NECAP2: variants seen among roughly 807,000 people sequenced by gnomAD.
The protein encoded by NECAP2 is adaptin ear-binding coat-associated protein 2.
NECAP2 carries 38 observed loss-of-function variants against 37.8 expected under a neutral mutation model. The ratio of observed to expected loss-of-function variants is 1.01; its 90% CI spans 0.78 to 1.32. NECAP2 has a LOEUF of 1.32. Among genes scored for constraint, NECAP2 ranks in the 40% most tolerant of loss-of-function variants. NECAP2 has a pLI of 0.00. For synonymous variants in NECAP2, 121 were observed against 127.7 expected, an observed-to-expected ratio of 0.95 and a Z score of 0.35; for missense variants, 316 against 334.5, an observed-to-expected ratio of 0.94 and a Z score of 0.43.
In NECAP2 at chr1:16,459,184, A is replaced by G. The variant is rs2086975607; in HGVS notation, c.*294A>G. On this transcript the variant is annotated 3_prime_UTR_variant, in exon 8 of 8. Coordinates refer to ENST00000337132, the MANE Select transcript of NECAP2 (RefSeq NM_018090.5). ...GAGACTCTGAGACTTCTTCCATCGC[A>G]ATGACCTGTATTAAACACAAGCCCC... 1.8e-6 allele frequency: 1 copy of G among 557,158 alleles called. No homozygotes were observed. 34.5% of individuals were successfully genotyped at this position (557,158 alleles called of 1,614,324 possible).
intron 6 of NECAP2, among the ~76,000 whole-genome samples, chr1:16,452,475 A>G (rs2086859723): frequency 6.6e-6 from 1 of 152,176 alleles, no homozygotes; most frequent in Non-Finnish European, 1.5e-5. Context: ...GGAAGGAGAT[A>G]GAGTGGGAGT....
intron 6 of NECAP2, 119 bp downstream of exon 6, chr1:16,452,134 G>T: frequency 9.4e-7 from 1 of 1,062,738 alleles, no homozygotes; most frequent in Non-Finnish European, 1.3e-6. Flanking sequence ...GTACCTGTCC[G>T]TGTCAAAGAA....
intron 4 of NECAP2, 151 bp downstream of exon 4, chr1:16,448,292 C>G: frequency 1.3e-6 from 1 of 747,254 alleles, no homozygotes; most frequent in Non-Finnish European, 2.4e-6. Flanking sequence ...CTCTTCTCTG[C>G]CAATGTTCAT....
chr1:16,444,769 A>G (rs1430361663), intron 2 of NECAP2, among the ~76,000 whole-genome samples: 2 of 152,204 alleles, frequency 1.3e-5, no homozygotes, highest in Non-Finnish European at 2.9e-5. Context: ...GTAGTGTCAT[A>G]AGAGAATGGT....
chr1:16,457,884 T>G lies in NECAP2; in HGVS notation c.744-958T>G, dbSNP rs918900918. ...GCCACCACACCCGGCTAATTTTTTG[T>G]ATTTTTAGTAGAGGCGGGGTTTTGC... On this transcript the variant is annotated intron_variant, in intron 7 of 7. Transcript: ENST00000337132. Among the ~76,000 whole-genome samples, 8 of 152,060 alleles carry G rather than the reference T, an allele frequency of 5.3e-5. No individual in the cohort carries two copies. The East Asian group carries it at 5.8e-4, about 11-fold the overall frequency.
At chr1:16,452,869 G>A (rs2086867005) in intron 6 of NECAP2, among the ~76,000 whole-genome samples, 1 of 150,490 alleles carries the variant, frequency 6.6e-6, no homozygotes, top group Non-Finnish European at 1.5e-5. Flanking sequence ...GCTCTCCCCA[G>A]CTTGCAGGCA....
Position 16,458,974 on chromosome 1 carries a change from G to C in NECAP2, c.*84G>C, listed in dbSNP as rs1403090552. 1 of 1,610,038 alleles carries C rather than the reference G, an allele frequency of 6.2e-7. No individual in the cohort carries two copies. Among genetic ancestry groups the C allele is most frequent in the African/African-American group, 1.3e-5 (1 of 74,700 alleles). On this transcript the variant is annotated 3_prime_UTR_variant, in exon 8 of 8. Transcript: ENST00000337132. ...AGGAAGGAGGACGAAGCCCTCCTCA[G>C]CTGGCCTGTGTTTGGGGCATGAATC... is the stretch of plus-strand genomic sequence containing the variant.
intron 2 of NECAP2, among the ~76,000 whole-genome samples, chr1:16,447,532 A>G (rs1293801656): frequency 6.6e-6 from 1 of 152,154 alleles, no homozygotes; most frequent in Non-Finnish European, 1.5e-5. Flanking sequence ...TAAGTGGGTA[A>G]AGCAGATGGA....
intron 1 of NECAP2, chr1:16,441,111 C>G: frequency 3.9e-6 from 2 of 515,084 alleles, no homozygotes; most frequent in South Asian, 2.7e-5. Flanking sequence ...CGGTGGGCTG[C>G]CGGGTACCCT....
At chr1:16,456,310 C>T (rs2086917924) in intron 7 of NECAP2, among the ~76,000 whole-genome samples, 1 of 152,198 alleles carries the variant, frequency 6.6e-6, no homozygotes, top group Admixed American at 6.5e-5. Context: ...CAGGCATGAG[C>T]CACCGCGCCT....
At chr1:16,450,550 C>T in intron 5 of NECAP2, 1 of 154,970 alleles carries the variant, frequency 6.5e-6, no homozygotes, top group South Asian at 2.0e-4. Flanking sequence ...CTTTCTGGCT[C>T]ATGCTTGGTG....
Position 16,459,551 on chromosome 1 carries a change from C to T in NECAP2, c.*661C>T, listed in dbSNP as rs1273047026. On this transcript the variant is annotated 3_prime_UTR_variant, in exon 8 of 8. Transcript: ENST00000337132. The stretch of plus-strand genomic sequence containing the variant: ...CCAGCTGGGGCCTCTGAAGGGATTC[C>T]TCACTGTGGGCAGCTGCCCTGAGCT... The T allele has an allele frequency of 6.6e-6, 1 of 152,334 alleles. No individual in the cohort carries two copies. Among genetic ancestry groups the T allele is most frequent in the Non-Finnish European group, 1.5e-5 (1 of 68,138 alleles). 9.4% of individuals were successfully genotyped at this position (152,334 alleles called of 1,614,324 possible). A position where few individuals can be genotyped will look rare whatever the true frequency, so the allele number is the denominator to read the frequency against.
chr1:16,448,996 A>G, intron 4 of NECAP2, 97 bp from the exon 5 acceptor site: 1 of 780,240 alleles, frequency 1.3e-6, no homozygotes, highest in Admixed American at 2.3e-5. Flanking sequence ...TACGAGGCTC[A>G]GCCTGGACTG....
Position 16,449,160 on chromosome 1 carries a change from C to G in NECAP2, c.448C>G (p.Leu150Val). 1 of 1,613,212 alleles carries G rather than the reference C, an allele frequency of 6.2e-7. No homozygotes were observed. The highest frequency in any genetic ancestry group is 8.5e-7 in the Non-Finnish European group (1 of 1,179,612). Residue 150 changes from leucine to valine, a missense_variant, in exon 5 of 8, where the codon CTG (leucine) becomes GTG (valine). Transcript: ENST00000337132. ...QNPDQGPKLD[L>V]GFKEGQTIKL... ...CCCAGACCAAGGCCCTAAACTGGAC[C>G]TGGGCTTCAAGGAGGGCCAGACCAT...
At chr1:16,453,305 C>T (rs1408520363) in intron 6 of NECAP2, among the ~76,000 whole-genome samples, 2 of 151,652 alleles carry the variant, frequency 1.3e-5, no homozygotes, top group East Asian at 3.9e-4. Flanking sequence ...GACAGGGTTT[C>T]TCCATGTTGG....
At chr1:16,447,793 A>G in intron 2 of NECAP2, 77 bp from the exon 3 acceptor site, 1 of 1,179,922 alleles carries the variant, frequency 8.5e-7, no homozygotes, top group Non-Finnish European at 1.3e-6. Flanking sequence ...TGCGGGCAAA[A>G]GGCCCAGTAG....
rs371020997 is a variant in NECAP2, at chr1:16,440,756, G to A, written c.-6G>A. On this transcript the variant is annotated 5_prime_UTR_variant, in exon 1 of 8. Transcript: ENST00000337132. ...GCCGGAAGTTCGGTGGGCTCCAGGCGTCGCGATGGAGGAGAGCGGGTACGA... is the reference window on the plus strand; with the variant it reads ...GCCGGAAGTTCGGTGGGCTCCAGGCATCGCGATGGAGGAGAGCGGGTACGA... The A allele has an allele frequency of 5.2e-5, 84 of 1,612,684 alleles. No individual in the cohort carries two copies. The highest frequency in any genetic ancestry group is 2.0e-4 in the Admixed American group (12 of 60,002).
At chr1:16,446,164 T>C (rs1416728597) in intron 2 of NECAP2, among the ~76,000 whole-genome samples, 1 of 152,142 alleles carries the variant, frequency 6.6e-6, no homozygotes. Flanking sequence ...GCCGAGATCG[T>C]GCCGTTGCAC....
At chr1:16,446,191 A>G (rs1381639752) in intron 2 of NECAP2, among the ~76,000 whole-genome samples, 1 of 152,208 alleles carries the variant, frequency 6.6e-6, no homozygotes, top group African/African-American at 2.4e-5. Context: ...CTGGGCAACA[A>G]GAGTGAAACT....
Sources: gnomAD v4.1 joint callset for allele counts (sites outside exome capture counted in the v4.1 genomes callset) on GRCh38, gnomAD v4.1.1 for gene constraint, MANE v1.5 for transcripts, NCBI Gene and HGNC (gene_info 2026-07-23, HGNC 2026-07-21) for gene names.